The following PTPRD variants were observed in gnomAD, a reference collection of about 807,000 sequenced individuals.
PTPRD encodes the protein receptor-type tyrosine-protein phosphatase delta.
In PTPRD, 34 loss-of-function variants were observed where a neutral mutation model predicts 214.5. That is an observed-to-expected ratio of 0.16 (90% CI 0.12 to 0.21). PTPRD has a LOEUF of 0.21. Among genes scored for constraint, PTPRD ranks in the 10% least tolerant of loss-of-function variants. The pLI is 1.00. For synonymous variants in PTPRD, 1,128 were observed against 845.7 expected (o/e 1.33, Z -5.79); for missense variants, 2,545 against 2,398.7 (o/e 1.06, Z -1.27).
intron 11 of PTPRD, among the ~76,000 whole-genome samples, chr9:8,922,396 A>C (rs1018866379): frequency 6.6e-6 from 1 of 152,206 alleles, no homozygotes; most frequent in Non-Finnish European, 1.5e-5. Context: ...TACACACATC[A>C]TGCTAAATGA....
intron 5 of PTPRD, among the ~76,000 whole-genome samples, chr9:9,920,791 G>A (rs2082330094): frequency 6.6e-6 from 1 of 152,080 alleles, no homozygotes; most frequent in Non-Finnish European, 1.5e-5. Context: ...AAATGTAGAT[G>A]CCAGCATTAT....
intron 7 of PTPRD, among the ~76,000 whole-genome samples, chr9:9,637,596 AT>A (rs543545190): frequency 2.2e-4 from 33 of 152,316 alleles, no homozygotes; most frequent in African/African-American, 7.9e-4. Flanking sequence ...CTCCCCGCAT[AT>A]GGCTTTTCTG....
intron 9 of PTPRD, among the ~76,000 whole-genome samples, chr9:9,374,383 A>G (rs1051421958): frequency 6.6e-6 from 1 of 152,140 alleles, no homozygotes; most frequent in African/African-American, 2.4e-5. Context: ...AATTATATTT[A>G]AGGTGCTATA....
intron 8 of PTPRD, among the ~76,000 whole-genome samples, chr9:9,443,440 T>G (rs2089077895): frequency 6.6e-6 from 1 of 152,216 alleles, no homozygotes; most frequent in African/African-American, 2.4e-5. Flanking sequence ...AGTCTGTTTT[T>G]GGTCGCTTTG....
chr9:10,219,487 G>T (rs1244461195), intron 3 of PTPRD, among the ~76,000 whole-genome samples: 1 of 151,634 alleles, frequency 6.6e-6, no homozygotes, highest in Non-Finnish European at 1.5e-5. Flanking sequence ...ACGAGCAAAG[G>T]AATGTAATTT....
At chr9:8,605,462 C>T (rs933109017) in intron 14 of PTPRD, among the ~76,000 whole-genome samples, 2 of 152,044 alleles carry the variant, frequency 1.3e-5, no homozygotes, top group Non-Finnish European at 2.9e-5. Flanking sequence ...TCAAAGAAGG[C>T]GGATTCTTTC....
At chr9:9,709,417 T>G (rs905834293) in intron 7 of PTPRD, among the ~76,000 whole-genome samples, 10 of 151,986 alleles carry the variant, frequency 6.6e-5, no homozygotes, top group African/African-American at 2.4e-4. Context: ...ATACATGTTA[T>G]CAAATTTTAC....
rs1198001805 is a variant in PTPRD, at chr9:8,738,468, T to C, written c.-103-4522A>G. 2.6e-5 allele frequency among the ~76,000 whole-genome samples: 4 copies of C among 152,092 alleles called. 1 individual carries two copies. Among genetic ancestry groups the C allele is most frequent in the African/African-American group, 9.7e-5 (4 of 41,394 alleles). ...TAGAGTCCCTTAGAAAATGGCAGAT[T>C]ATAGGCTTTGTATGGGAAATGTAGA... On this transcript the variant is annotated intron_variant, in intron 11 of 45. Transcript: ENST00000381196.
chr9:9,917,461 A>G (rs970212918), intron 5 of PTPRD, among the ~76,000 whole-genome samples: 15 of 149,540 alleles, frequency 1.0e-4, no homozygotes, highest in East Asian at 7.8e-4. Flanking sequence ...CTAAAAAAAA[A>G]AAAAAAAAAA....
At chr9:9,476,786 A>C (rs2095077009) in intron 8 of PTPRD, among the ~76,000 whole-genome samples, 1 of 151,882 alleles carries the variant, frequency 6.6e-6, no homozygotes, top group Non-Finnish European at 1.5e-5. Context: ...CCCAGGCTGG[A>C]GGGCGATGGC....
At chr9:10,307,166 T>C (rs547438629) in intron 3 of PTPRD, among the ~76,000 whole-genome samples, 5 of 151,536 alleles carry the variant, frequency 3.3e-5, no homozygotes, top group African/African-American at 1.2e-4. Flanking sequence ...TGAGCACTTA[T>C]TCCTTCTATC....
chr9:10,051,258 G>C (rs1476615980), intron 3 of PTPRD, among the ~76,000 whole-genome samples: 1 of 152,024 alleles, frequency 6.6e-6, no homozygotes, highest in Non-Finnish European at 1.5e-5. Flanking sequence ...ACATGACTTA[G>C]CTATCATTTG....
rs115349348 is a variant in PTPRD at position 8,610,590 on chromosome 9, C to T, written c.352+22727G>A. On this transcript the variant is annotated intron_variant, in intron 14 of 45. Coordinates refer to ENST00000381196, the MANE Select transcript of PTPRD (RefSeq NM_002839.4). ...TTCTATTTGAACAGCAAAAAAGCTG[C>T]GAAAGTCAAGGAGTGGGCATGCTAA... is the stretch of plus-strand genomic sequence containing the variant. 7.3e-3 allele frequency among the ~76,000 whole-genome samples: 1,117 copies of T among 152,158 alleles called. 10 individuals carry two copies. The highest frequency in any genetic ancestry group is 0.026 in the African/African-American group (1,062 of 41,508).
At chr9:9,290,274 T>C (rs1595250476) in intron 9 of PTPRD, among the ~76,000 whole-genome samples, 1 of 151,788 alleles carries the variant, frequency 6.6e-6, no homozygotes. Context: ...AAAATGTCTA[T>C]TCAGGTCCTT....
rs562285104 is a variant in PTPRD at position 10,345,627 on chromosome 9, G to C, written c.-599-4610C>G. ...TTTTGTGGCTACACAGTATTCCACG[G>C]TGTATATGTGCCACATTTTCTTTTT... On this transcript the variant is annotated intron_variant, in intron 2 of 45. Transcript: ENST00000381196. Among the ~76,000 whole-genome samples the C allele has an allele frequency of 4.6e-5, 7 of 152,310 alleles. No individual in the cohort carries two copies. In the South Asian group the frequency reaches 1.4e-3, roughly 32 times the overall value.
At chr9:10,299,038 C>T (rs60371005) in intron 3 of PTPRD, among the ~76,000 whole-genome samples, 1,805 of 152,210 alleles carry the variant, frequency 0.012, 41 homozygotes, top group African/African-American at 0.041. Context: ...TGAATACATG[C>T]ATTGCCATTG....
At chr9:10,530,699 C>T (rs1339829152) in intron 2 of PTPRD, among the ~76,000 whole-genome samples, 1 of 152,074 alleles carries the variant, frequency 6.6e-6, no homozygotes, top group Non-Finnish European at 1.5e-5. Context: ...AGAACTCTCA[C>T]AGGCTTAATT....
intron 2 of PTPRD, among the ~76,000 whole-genome samples, chr9:10,557,867 T>C (rs1007948457): frequency 6.6e-6 from 1 of 152,158 alleles, no homozygotes; most frequent in Non-Finnish European, 1.5e-5. Flanking sequence ...CTAAGAAGCA[T>C]GTAAATGTTT....
intron 44 of PTPRD, among the ~76,000 whole-genome samples, chr9:8,326,403 C>A (rs1833809942): frequency 6.6e-6 from 1 of 152,142 alleles, no homozygotes; most frequent in South Asian, 2.1e-4. Context: ...ACAAGCCTTG[C>A]ATCCCAGGGA....
Sources: allele counts gnomAD v4.1 joint callset (sites outside exome capture counted in the v4.1 genomes callset), GRCh38; gene constraint gnomAD v4.1.1; transcripts MANE v1.5; gene names NCBI Gene and HGNC (gene_info 2026-07-23, HGNC 2026-07-21).